The following GOLM1 variants were observed in gnomAD, a reference collection of about 807,000 sequenced individuals.
GOLM1 encodes golgi membrane protein 1.
A neutral mutation model predicts 50.5 loss-of-function variants in GOLM1; 31 were observed. That is an observed-to-expected ratio of 0.61 (90% CI 0.46 to 0.83). The LOEUF is 0.83. GOLM1 is among the 40% of genes least tolerant of loss of function. GOLM1 has a pLI of 0.00. For synonymous variants in GOLM1, 178 were observed against 192.8 expected (o/e 0.92, Z 0.64); for missense variants, 491 against 501.3 (o/e 0.98, Z 0.20).
At position 86,027,454 on chromosome 9, in the gene GOLM1, C is replaced by G. The variant is rs962428278; in HGVS notation, c.*363G>C. 4.8e-6 allele frequency: 5 copies of G among 1,039,462 alleles called. No individual in the cohort carries two copies. The African/African-American group carries it at 6.9e-5, about 14-fold the overall frequency. The allele number at this position is 1,039,462 out of a possible 1,614,324, so 64.4% of individuals were successfully genotyped here. A position where few individuals can be genotyped will look rare whatever the true frequency, so the allele number is the denominator to read the frequency against. On this transcript the variant is annotated 3_prime_UTR_variant, in exon 10 of 10. Coordinates refer to ENST00000388712, the MANE Select transcript of GOLM1 (RefSeq NM_016548.4). The stretch of plus-strand genomic sequence containing the variant: ...AGAGTTCTCTGTCTCTCCTTCACAG[C>G]AGATGGACTCTTCTATAGGTGGCTG...
chr9:86,095,875 G>A (rs1026383131), intron 1 of GOLM1, among the ~76,000 whole-genome samples: 1 of 152,218 alleles, frequency 6.6e-6, no homozygotes, highest in Non-Finnish European at 1.5e-5. Context: ...CTGTTATTTT[G>A]AGTGCTTCCT....
chr9:86,049,008 G>A (rs1833649414), intron 4 of GOLM1, among the ~76,000 whole-genome samples: 1 of 152,152 alleles, frequency 6.6e-6, no homozygotes, highest in Admixed American at 6.5e-5. Context: ...TATGGTTTTA[G>A]GTCTAACATT....
Position 86,062,818 on chromosome 9 carries a change from G to A in GOLM1, c.310-10227C>T, listed in dbSNP as rs1587721049. ...GTGCCTCTAACCTACACGTGACTTG[G>A]GTCAAATAAAACTTCCAGGAGGATC... On this transcript the variant is annotated intron_variant, in intron 3 of 9. Coordinates refer to ENST00000388712, the MANE Select transcript of GOLM1 (RefSeq NM_016548.4). Among the ~76,000 whole-genome samples the A allele has an allele frequency of 2.6e-5, 4 of 152,200 alleles. No homozygotes were observed. The South Asian group carries it at 8.3e-4, about 32-fold the overall frequency.
intron 9 of GOLM1, 56 bp from the exon 10 acceptor site, chr9:86,027,949 A>AG: frequency 9.8e-7 from 1 of 1,021,506 alleles, no homozygotes; most frequent in East Asian, 2.5e-5. Flanking sequence ...TACTAGCCCT[A>AG]GGCAGGTCCC....
In GOLM1 at chr9:86,026,347, T is replaced by A. The variant is rs571637477; in HGVS notation, c.*1470A>T. The A allele has an allele frequency of 6.3e-5, 62 of 985,206 alleles. No homozygotes were observed. In the South Asian group the frequency reaches 2.5e-3, roughly 40 times the overall value. The allele number at this position is 985,206 out of a possible 1,614,324, so 61.0% of individuals were successfully genotyped here. A position where few individuals can be genotyped will look rare whatever the true frequency, so the allele number is the denominator to read the frequency against. ...GTTGCCTTTTCTGGGTGGGAAAGTT[T>A]AACCTTAGTGACTAAGGACATCACA... On this transcript the variant is annotated 3_prime_UTR_variant, in exon 10 of 10. Transcript: ENST00000388712.
intron 1 of GOLM1, among the ~76,000 whole-genome samples, chr9:86,087,300 C>G (rs1475243071): frequency 6.6e-6 from 1 of 152,122 alleles, no homozygotes; most frequent in Non-Finnish European, 1.5e-5. Context: ...GATTTTGTAT[C>G]CTGAGACTTT....
At chr9:86,071,337 A>G (rs1408671045) in intron 3 of GOLM1, among the ~76,000 whole-genome samples, 1 of 152,168 alleles carries the variant, frequency 6.6e-6, no homozygotes, top group East Asian at 1.9e-4. Flanking sequence ...GCCTCAAGCA[A>G]TCCTCCCGCC....
chr9:86,099,245 C>G (rs936265556), intron 1 of GOLM1, among the ~76,000 whole-genome samples, 166 bp downstream of exon 1: 1 of 152,024 alleles, frequency 6.6e-6, no homozygotes, highest in Non-Finnish European at 1.5e-5. Context: ...GGTGCGGAGC[C>G]AGCCCCGAGC....
At chr9:86,028,813 T>C (rs1436136770) in intron 9 of GOLM1, among the ~76,000 whole-genome samples, 2 of 151,520 alleles carry the variant, frequency 1.3e-5, no homozygotes, top group South Asian at 2.1e-4. Flanking sequence ...CATACCCCCA[T>C]TGCATGCCCT....
rs3750392 is a variant in GOLM1 at position 86,040,470 on chromosome 9, G to A, written c.597+269C>T. On this transcript the variant is annotated intron_variant, in intron 6 of 9. Transcript: ENST00000388712. ...CCATGGGGCTGGGGTCCTCAAGTCAGGAAAACAGCAACTCTCTCCCAGGCT... is the reference window on the plus strand; with the variant it reads ...CCATGGGGCTGGGGTCCTCAAGTCAAGAAAACAGCAACTCTCTCCCAGGCT... Among the ~76,000 whole-genome samples, 28 of 152,254 alleles carry A rather than the reference G, an allele frequency of 1.8e-4. No homozygotes were observed. The East Asian group carries it at 5.2e-3, about 28-fold the overall frequency.
At chr9:86,040,704 C>T (rs752537291) in intron 6 of GOLM1, 35 bp downstream of exon 6, 2 of 1,596,686 alleles carry the variant, frequency 1.3e-6, no homozygotes, top group Non-Finnish European at 1.7e-6. Context: ...ATAGGGGTAC[C>T]TTCTAGAAAC....
At chr9:86,036,204 A>G (rs553523805) in intron 7 of GOLM1, 144 bp downstream of exon 7, 12 of 802,106 alleles carry the variant, frequency 1.5e-5, no homozygotes, top group Admixed American at 4.7e-5. Context: ...CAAAGCCCCA[A>G]TTCCAGGGGC....
intron 3 of GOLM1, among the ~76,000 whole-genome samples, chr9:86,076,481 G>C (rs1834620376): frequency 7.5e-6 from 1 of 134,130 alleles, no homozygotes; most frequent in African/African-American, 2.8e-5. Flanking sequence ...TAATAATAGA[G>C]GCCAAAGTTT....
chr9:86,057,698 G>A (rs1313913884), intron 3 of GOLM1, among the ~76,000 whole-genome samples: 1 of 152,226 alleles, frequency 6.6e-6, no homozygotes, highest in Non-Finnish European at 1.5e-5. Flanking sequence ...CTGCGGCCCT[G>A]GGTGAGCGTG....
chr9:86,075,748 T>G (rs1211541471), intron 3 of GOLM1, among the ~76,000 whole-genome samples: 2 of 152,234 alleles, frequency 1.3e-5, no homozygotes, highest in Non-Finnish European at 2.9e-5. Flanking sequence ...AAACAGATTC[T>G]CTTTTCAAAT....
chr9:86,041,797 G>A (rs1452848594), intron 5 of GOLM1, among the ~76,000 whole-genome samples: 1 of 152,170 alleles, frequency 6.6e-6, no homozygotes, highest in Admixed American at 6.5e-5. Context: ...CTTAACCTAG[G>A]GGGTCTGTGC....
chr9:86,045,588 C>T lies in GOLM1; in HGVS notation c.467+882G>A, dbSNP rs553239215. ...TACTCAGGAGGCTGAGGCATGAGAA[C>T]TGCTTGAACTTGGGAGATGGAGGTT... On this transcript the variant is annotated intron_variant, in intron 5 of 9. Coordinates refer to ENST00000388712, the MANE Select transcript of GOLM1 (RefSeq NM_016548.4). Among the ~76,000 whole-genome samples the T allele has an allele frequency of 2.6e-5, 4 of 151,126 alleles. No homozygotes were observed. In the East Asian group the frequency reaches 5.9e-4, roughly 22 times the overall value.
intron 3 of GOLM1, among the ~76,000 whole-genome samples, chr9:86,053,007 C>T (rs1293245458): frequency 2.8e-5 from 4 of 142,984 alleles, no homozygotes; most frequent in South Asian, 2.2e-4. Flanking sequence ...AACCACACCA[C>T]ACACACCACT....
At chr9:86,029,773 C>G (rs572887994) in intron 9 of GOLM1, among the ~76,000 whole-genome samples, 26 of 152,336 alleles carry the variant, frequency 1.7e-4, no homozygotes, top group African/African-American at 5.8e-4. Context: ...GCTGACAAGG[C>G]ACTCATTTTC....
Sources: allele counts gnomAD v4.1 joint callset (sites outside exome capture counted in the v4.1 genomes callset), GRCh38; gene constraint gnomAD v4.1.1; transcripts MANE v1.5; gene names NCBI Gene and HGNC (gene_info 2026-07-23, HGNC 2026-07-21).